Variants in TMEM117 observed in about 807,000 individuals in gnomAD.
The protein encoded by TMEM117 is transmembrane protein 117.
TMEM117 carries 27 observed loss-of-function variants against 52.4 expected under a neutral mutation model. The ratio of observed to expected loss-of-function variants is 0.51; its 90% CI spans 0.38 to 0.71. The LOEUF is 0.71. Among genes scored for constraint, TMEM117 ranks in the 30% least tolerant of loss-of-function variants. TMEM117 has a pLI of 0.00. For synonymous variants in TMEM117, 215 were observed against 206.3 expected (o/e 1.04, Z -0.36); for missense variants, 556 against 630.5 (o/e 0.88, Z 1.26).
intron 3 of TMEM117, among the ~76,000 whole-genome samples, chr12:43,954,413 TAAA>T (rs1055814108): frequency 1.3e-5 from 2 of 151,614 alleles, no homozygotes; most frequent in African/African-American, 2.4e-5. Flanking sequence ...GTGAGACTAA[TAAA>T]GAAGAAGAGA....
chr12:44,388,309 T>C lies in TMEM117; in HGVS notation c.1182T>C (p.Cys394=), dbSNP rs567561397. Residue 394 remains cysteine (C), a synonymous_variant, in exon 8 of 8, where the codon TGT becomes TGC. Transcript: ENST00000266534. ...TAGGAGCCAGTCTTGATGTCAAGTG[T>C]CTGGCCTTTGTTCCAAGCCTGATAG... ...RFIGASLDVK[C]LAFVPSLIAF... 58 of 1,613,630 alleles carry C rather than the reference T, an allele frequency of 3.6e-5. No individual in the cohort carries two copies. Among genetic ancestry groups the C allele is most frequent in the Middle Eastern group, 3.3e-4 (2 of 6,060 alleles).
chr12:44,266,343 A>C (rs545970608), intron 5 of TMEM117, among the ~76,000 whole-genome samples: 3 of 152,226 alleles, frequency 2.0e-5, no homozygotes, highest in Admixed American at 1.3e-4. Flanking sequence ...GTGAACTGCT[A>C]TCTCATTTTG....
intron 2 of TMEM117, among the ~76,000 whole-genome samples, chr12:43,888,801 G>C (rs1944047994): frequency 6.6e-6 from 1 of 151,998 alleles, no homozygotes; most frequent in African/African-American, 2.4e-5. Context: ...GCCCACCTCG[G>C]CCTCCCAAAG....
At chr12:43,874,896 C>A (rs570667926) in intron 2 of TMEM117, among the ~76,000 whole-genome samples, 1 of 152,116 alleles carries the variant, frequency 6.6e-6, no homozygotes, top group East Asian at 1.9e-4. Flanking sequence ...AAATTAGATC[C>A]GCAGGGATGA....
intron 3 of TMEM117, among the ~76,000 whole-genome samples, chr12:44,139,688 A>T (rs1223460605): frequency 2.0e-5 from 3 of 152,146 alleles, no homozygotes; most frequent in African/African-American, 7.2e-5. Context: ...AAAACAAAGG[A>T]TGTATGAGTT....
At chr12:44,156,857 A>C (rs1443587573) in intron 4 of TMEM117, among the ~76,000 whole-genome samples, 3 of 152,020 alleles carry the variant, frequency 2.0e-5, no homozygotes, top group South Asian at 2.1e-4. Context: ...GTGCTCAGTA[A>C]ATGTTACCTA....
chr12:43,899,732 T>A (rs557672479), intron 2 of TMEM117, among the ~76,000 whole-genome samples: 140 of 152,324 alleles, frequency 9.2e-4, no homozygotes, highest in African/African-American at 3.1e-3. Flanking sequence ...CCCACCACAG[T>A]GCAAAGTACT....
At chr12:44,283,747 T>C (rs1950604923) in intron 5 of TMEM117, among the ~76,000 whole-genome samples, 1 of 151,992 alleles carries the variant, frequency 6.6e-6, no homozygotes, top group African/African-American at 2.4e-5. Flanking sequence ...GAAGGCGTGA[T>C]TGGTTTTGAA....
At chr12:44,014,623 C>T (rs1946345964) in intron 3 of TMEM117, among the ~76,000 whole-genome samples, 1 of 152,170 alleles carries the variant, frequency 6.6e-6, no homozygotes, top group Non-Finnish European at 1.5e-5. Flanking sequence ...AGATACGTTA[C>T]ACTACCCAAT....
chr12:44,265,502 G>A (rs191104110), intron 5 of TMEM117, among the ~76,000 whole-genome samples: 81 of 152,290 alleles, frequency 5.3e-4, no homozygotes, highest in African/African-American at 1.9e-3. Context: ...GTTTGGGTGA[G>A]AGAGGGCAGA....
chr12:44,075,110 G>A (rs1947361471), intron 3 of TMEM117, among the ~76,000 whole-genome samples: 1 of 152,130 alleles, frequency 6.6e-6, no homozygotes, highest in African/African-American at 2.4e-5. Context: ...TCATAACTTT[G>A]TCTACATGTA....
chr12:43,898,277 C>T (rs1415462971), intron 2 of TMEM117, among the ~76,000 whole-genome samples: 1 of 151,624 alleles, frequency 6.6e-6, no homozygotes. Flanking sequence ...TAATTTTTCT[C>T]TTAGTAATCT....
chr12:44,077,437 A>G (rs1358362289), intron 3 of TMEM117, among the ~76,000 whole-genome samples: 1 of 152,164 alleles, frequency 6.6e-6, no homozygotes, highest in Non-Finnish European at 1.5e-5. Flanking sequence ...ATCTAAATTT[A>G]TTACTTAGAA....
At position 43,962,401 on chromosome 12, in the gene TMEM117, A is replaced by G. The variant is rs562990489; in HGVS notation, c.410+18059A>G. ...TGGGACTTGAAAGAGCAAAATATTT[A>G]CAATAGTAAAGTTCTTTAGAATTGG... On this transcript the variant is annotated intron_variant, in intron 3 of 7. Coordinates refer to ENST00000266534, the MANE Select transcript of TMEM117 (RefSeq NM_032256.3). Among the ~76,000 whole-genome samples the G allele has an allele frequency of 1.8e-4, 28 of 152,330 alleles. No individual in the cohort carries two copies. In the South Asian group the frequency reaches 3.9e-3, roughly 21 times the overall value.
intron 6 of TMEM117, among the ~76,000 whole-genome samples, chr12:44,333,887 A>G (rs1055146990): frequency 6.6e-6 from 1 of 152,020 alleles, no homozygotes; most frequent in Admixed American, 6.6e-5. Context: ...GATCAACCCC[A>G]TGAAGAGGTT....
intron 2 of TMEM117, among the ~76,000 whole-genome samples, chr12:43,900,994 G>A (rs1944295325): frequency 6.6e-6 from 1 of 152,136 alleles, no homozygotes; most frequent in African/African-American, 2.4e-5. Flanking sequence ...ATAGATAGTT[G>A]TACTGTGATT....
chr12:44,223,392 ACCAGACCTTACTCAACCCC>A (rs1259065774), intron 5 of TMEM117, among the ~76,000 whole-genome samples: 13 of 147,234 alleles, frequency 8.8e-5, no homozygotes, highest in African/African-American at 3.3e-4. Flanking sequence ...TTTCCCCCAT[ACCAGACCTTACTCAACCCC>A]CCAGACCTTA....
intron 3 of TMEM117, among the ~76,000 whole-genome samples, chr12:43,982,168 A>C (rs945077930): frequency 6.6e-6 from 1 of 152,210 alleles, no homozygotes; most frequent in African/African-American, 2.4e-5. Flanking sequence ...TAAAAATTTC[A>C]TTTTAATGTA....
chr12:43,960,721 A>G (rs1196433886), intron 3 of TMEM117, among the ~76,000 whole-genome samples: 1 of 152,168 alleles, frequency 6.6e-6, no homozygotes, highest in Admixed American at 6.5e-5. Flanking sequence ...GATTTGGCAA[A>G]TAAAATACTT....
Sources: gnomAD v4.1 joint callset for allele counts (sites outside exome capture counted in the v4.1 genomes callset) on GRCh38, gnomAD v4.1.1 for gene constraint, MANE v1.5 for transcripts, NCBI Gene and HGNC (gene_info 2026-07-23, HGNC 2026-07-21) for gene names.